Variants in MAD1L1 observed in about 807,000 individuals in gnomAD.
MAD1L1 encodes mitotic spindle assembly checkpoint protein MAD1.
A neutral mutation model predicts 96.9 loss-of-function variants in MAD1L1; 95 were observed. That is an observed-to-expected ratio of 0.98 (90% CI 0.83 to 1.16). The LOEUF is 1.16. Ranked by LOEUF, MAD1L1 falls within the 50% of genes most tolerant of loss-of-function variation. The pLI is 0.00. For missense variants in MAD1L1, 1,007 were observed against 954.4 expected (o/e 1.06, Z -0.73); for synonymous variants, 473 against 396.6 (o/e 1.19, Z -2.29).
At chr7:2,084,029 A>G (rs1371659010) in intron 11 of MAD1L1, among the ~76,000 whole-genome samples, 1 of 152,206 alleles carries the variant, frequency 6.6e-6, no homozygotes, top group African/African-American at 2.4e-5. Flanking sequence ...CAACTCGGAG[A>G]AGAATGCTCA....
chr7:2,173,152 C>A lies in MAD1L1; in HGVS notation c.987-23914G>T, dbSNP rs903199773. 2.6e-5 allele frequency among the ~76,000 whole-genome samples: 4 copies of A among 152,346 alleles called. No homozygotes were observed. In the East Asian group the frequency reaches 7.7e-4, roughly 29 times the overall value. On this transcript the variant is annotated intron_variant, in intron 10 of 18. Coordinates refer to ENST00000265854, the MANE Select transcript of MAD1L1 (RefSeq NM_001013836.2). Reference sequence around the variant, plus strand: ...GTTCCCAGCCTCAGAAGCAAACACTCTAAGTTATTTGAGTCAATTATGTTG... The same window carrying A: ...GTTCCCAGCCTCAGAAGCAAACACTATAAGTTATTTGAGTCAATTATGTTG...
intron 14 of MAD1L1, 35 bp downstream of exon 14, chr7:2,002,030 G>C: frequency 6.2e-7 from 1 of 1,610,070 alleles, no homozygotes; most frequent in Non-Finnish European, 8.5e-7. Flanking sequence ...GGGTCCAGGT[G>C]CCCTGAATCC....
At chr7:1,939,208 AC>A (rs1300466731) in intron 16 of MAD1L1, among the ~76,000 whole-genome samples, 12 of 137,654 alleles carry the variant, frequency 8.7e-5, no homozygotes, top group African/African-American at 3.3e-4. Flanking sequence ...ACACACACAC[AC>A]ACACACGGGC....
chr7:1,849,096 GCACA>G (rs1216022879), intron 18 of MAD1L1: 1 of 154,110 alleles, frequency 6.5e-6, no homozygotes, highest in African/African-American at 2.4e-5. Context: ...ACGGACACAT[GCACA>G]CACACATACA....
rs369534219 is a variant in MAD1L1, at chr7:1,827,483, C to A, written c.1999-11255G>T. Among the ~76,000 whole-genome samples the A allele has an allele frequency of 4.2e-5, 6 of 143,748 alleles. No individual in the cohort carries two copies. The South Asian group carries it at 1.4e-3, about 33-fold the overall frequency. The allele number at this position is 143,748 out of a possible 152,430, so 94.3% of individuals were successfully genotyped here. A position where few individuals can be genotyped will look rare whatever the true frequency, so the allele number is the denominator to read the frequency against. On this transcript the variant is annotated intron_variant, in intron 18 of 18. Coordinates refer to ENST00000265854, the MANE Select transcript of MAD1L1 (RefSeq NM_001013836.2). ...GAGCCCGTCGCGGGTGTGGGGGCCT[C>A]CCCTCCTGAGCCCGTCCCGGGTGTG...
At chr7:1,950,479 C>T (rs561042541) in intron 16 of MAD1L1, among the ~76,000 whole-genome samples, 5 of 152,356 alleles carry the variant, frequency 3.3e-5, no homozygotes, top group African/African-American at 7.2e-5. Context: ...GACTTCCACC[C>T]GAGTCCTTCA....
chr7:1,917,113 C>T (rs558235229), intron 17 of MAD1L1, among the ~76,000 whole-genome samples: 1 of 152,316 alleles, frequency 6.6e-6, no homozygotes, highest in South Asian at 2.1e-4. Flanking sequence ...GACCAGGCAC[C>T]CAGTTCCCTC....
chr7:1,969,833 T>G (rs574350295), intron 15 of MAD1L1, among the ~76,000 whole-genome samples: 29 of 152,314 alleles, frequency 1.9e-4, no homozygotes, highest in African/African-American at 7.0e-4. Context: ...ATTTGTACCC[T>G]AAAAACTGCC....
At chr7:2,054,679 G>A (rs1784315769) in intron 12 of MAD1L1, among the ~76,000 whole-genome samples, 1 of 152,240 alleles carries the variant, frequency 6.6e-6, no homozygotes, top group Non-Finnish European at 1.5e-5. Flanking sequence ...GCTTATCTGT[G>A]GAGGGAAGAG....
intron 18 of MAD1L1, among the ~76,000 whole-genome samples, chr7:1,834,418 T>C (rs1252194961): frequency 1.3e-5 from 2 of 152,146 alleles, no homozygotes; most frequent in Non-Finnish European, 2.9e-5. Context: ...AAGAGACAAA[T>C]TATTAACATC....
intron 13 of MAD1L1, among the ~76,000 whole-genome samples, chr7:2,010,901 G>A (rs910822455): frequency 6.6e-6 from 1 of 152,206 alleles, no homozygotes; most frequent in Non-Finnish European, 1.5e-5. Context: ...GAGTGTGAGT[G>A]GGGGACAGAG....
At chr7:1,832,642 G>GGGGGGGGGGGGGGGGTGGGGGGT (rs1782761338) in intron 18 of MAD1L1, among the ~76,000 whole-genome samples, 1 of 51,748 alleles carries the variant, frequency 1.9e-5, no homozygotes, top group African/African-American at 1.1e-4. Context: ...GCGGGGGGGG[G>GGGGGGGGGGGGGGGGTGGGGGGT]GGGGGTGGGG....
At chr7:2,066,240 T>A (rs1784869620) in intron 12 of MAD1L1, among the ~76,000 whole-genome samples, 1 of 152,096 alleles carries the variant, frequency 6.6e-6, no homozygotes, top group Non-Finnish European at 1.5e-5. Context: ...GGGTGCGCCT[T>A]GAGAGAAGGC....
chr7:2,012,455 G>A (rs930527304), intron 13 of MAD1L1, among the ~76,000 whole-genome samples: 10 of 152,234 alleles, frequency 6.6e-5, no homozygotes, highest in African/African-American at 1.9e-4. Context: ...GGCTATTAAC[G>A]CACTTAGGTT....
At chr7:1,874,530 G>T (rs113828753) in intron 18 of MAD1L1, 420 of 455,752 alleles carry the variant, frequency 9.2e-4, no homozygotes, top group Middle Eastern at 5.2e-3. Flanking sequence ...ACAGCTTGTG[G>T]CTGAGTGCGG....
chr7:1,945,609 G>A (rs1779193586), intron 16 of MAD1L1, among the ~76,000 whole-genome samples: 1 of 152,236 alleles, frequency 6.6e-6, no homozygotes, highest in Non-Finnish European at 1.5e-5. Flanking sequence ...GAGGGTGAGG[G>A]CAGCGGCCAT....
intron 18 of MAD1L1, among the ~76,000 whole-genome samples, chr7:1,825,324 C>T (rs1328963915): frequency 6.6e-5 from 10 of 152,180 alleles, no homozygotes; most frequent in African/African-American, 1.9e-4. Context: ...GCCGGTGCTG[C>T]CCACCCACCT....
chr7:2,047,444 G>GC (rs1783975296), intron 12 of MAD1L1, among the ~76,000 whole-genome samples: 1 of 152,168 alleles, frequency 6.6e-6, no homozygotes, highest in South Asian at 2.1e-4. Flanking sequence ...TACACTCCCT[G>GC]CATCTGACTG....
chr7:2,219,304 C>T (rs1477322028), intron 6 of MAD1L1, 28 bp downstream of exon 6: 3 of 1,541,574 alleles, frequency 1.9e-6, no homozygotes, highest in Non-Finnish European at 2.6e-6. Flanking sequence ...TGACCCGACC[C>T]CCGACCCCAC....
Sources: gnomAD v4.1 joint callset for allele counts (sites outside exome capture counted in the v4.1 genomes callset) on GRCh38, gnomAD v4.1.1 for gene constraint, MANE v1.5 for transcripts, NCBI Gene and HGNC (gene_info 2026-07-23, HGNC 2026-07-21) for gene names.